The following LRRC37A2 variants were observed in gnomAD, a reference collection of about 807,000 sequenced individuals.
LRRC37A2 encodes the protein leucine rich repeat containing 37 member A2, also known as leucine-rich repeat-containing protein 37A2.
Under a neutral mutation model 68.8 loss-of-function variants are expected in LRRC37A2, and 9 were observed. That is an observed-to-expected ratio of 0.13 (90% confidence interval 0.08 to 0.23). The LOEUF (loss-of-function observed/expected upper bound fraction) is 0.23. Ranked by LOEUF, LRRC37A2 falls within the 10% of genes least tolerant of loss-of-function variation. The pLI is 1.00. For missense variants in LRRC37A2, 168 were observed against 950.4 expected (o/e 0.18, Z 10.82); for synonymous variants, 63 against 367.6 (o/e 0.17, Z 9.48).
the LRRC37A2 span, among the ~76,000 whole-genome samples, chr17:46,922,652 A>G: frequency 6.6e-6 from 1 of 152,196 alleles, no homozygotes; most frequent in Non-Finnish European, 1.5e-5. Context: ...CACTCATTCA[A>G]TGTAGGTTTA....
the LRRC37A2 span, among the ~76,000 whole-genome samples, chr17:46,969,263 A>G: frequency 6.6e-6 from 1 of 152,142 alleles, no homozygotes; most frequent in African/African-American, 2.4e-5. Context: ...GCCCTTCTGG[A>G]GAGGACTGAA....
the LRRC37A2 span, chr17:46,933,275 C>T: frequency 1.3e-5 from 2 of 152,222 alleles, no homozygotes; most frequent in African/African-American, 4.8e-5. Flanking sequence ...AAACTTCTTC[C>T]TGGTCATTCT....
the LRRC37A2 span, among the ~76,000 whole-genome samples, chr17:46,802,687 A>G: frequency 6.6e-6 from 1 of 152,192 alleles, no homozygotes; most frequent in African/African-American, 2.4e-5. Flanking sequence ...TACCTATGGA[A>G]TGAAGCCCCC....
At chr17:46,945,966 C>G in the LRRC37A2 span, among the ~76,000 whole-genome samples, 1 of 152,144 alleles carries the variant, frequency 6.6e-6, no homozygotes, top group Non-Finnish European at 1.5e-5. Context: ...GAAACCATTT[C>G]TTTTTTCCCC....
At chr17:46,685,468 C>T in the LRRC37A2 span, among the ~76,000 whole-genome samples, 18 of 151,880 alleles carry the variant, frequency 1.2e-4, no homozygotes, top group African/African-American at 3.4e-4. Context: ...TCCACACTGA[C>T]GGAGATGAAC....
chr17:46,742,286 C>T, the LRRC37A2 span, among the ~76,000 whole-genome samples: 1 of 152,056 alleles, frequency 6.6e-6, no homozygotes, highest in Non-Finnish European at 1.5e-5. Flanking sequence ...AGTTACTTTC[C>T]TTTTGGACAC....
At chr17:46,388,419 G>A in the LRRC37A2 span, among the ~76,000 whole-genome samples, 5 of 66,978 alleles carry the variant, frequency 7.5e-5, 1 homozygote, top group African/African-American at 2.2e-4. Flanking sequence ...AAAATTAGCC[G>A]GGTGTGGTGG....
At chr17:47,005,162 A>G in the LRRC37A2 span, among the ~76,000 whole-genome samples, 2 of 152,188 alleles carry the variant, frequency 1.3e-5, no homozygotes, top group Admixed American at 1.3e-4. Flanking sequence ...TTTATTCTTA[A>G]GCTTTGCTTC....
the LRRC37A2 span, chr17:46,704,983 T>C: frequency 1.5e-6 from 1 of 674,836 alleles, no homozygotes; most frequent in Non-Finnish European, 2.3e-6. Context: ...AATGAGAAAA[T>C]TTTAGTATTG....
chr17:46,635,777 A>AT, the LRRC37A2 span, among the ~76,000 whole-genome samples: 2 of 116,704 alleles, frequency 1.7e-5, no homozygotes, highest in Non-Finnish European at 3.8e-5. Flanking sequence ...GGGAAAATAA[A>AT]TGTGTGTGTG....
At chr17:46,675,693 C>T in the LRRC37A2 span, among the ~76,000 whole-genome samples, 3 of 134,610 alleles carry the variant, frequency 2.2e-5, no homozygotes, top group Non-Finnish European at 4.5e-5. Context: ...TTTGTCTGTT[C>T]TGATTAATTA....
chr17:46,807,434 A>G, the LRRC37A2 span, among the ~76,000 whole-genome samples: 1 of 152,236 alleles, frequency 6.6e-6, no homozygotes, highest in East Asian at 1.9e-4. Context: ...GTGAGCCGAG[A>G]TCATGCTACT....
At chr17:46,839,953 T>TTTCTTTCTTTCTTTCTTTCTC in the LRRC37A2 span, among the ~76,000 whole-genome samples, 1 of 149,474 alleles carries the variant, frequency 6.7e-6, no homozygotes, top group African/African-American at 2.5e-5. Context: ...TCTTTCTTTC[T>TTTCTTTCTTTCTTTCTTTCTC]TTCTTTCTTT....
At chr17:46,889,120 C>T in the LRRC37A2 span, among the ~76,000 whole-genome samples, 1 of 152,126 alleles carries the variant, frequency 6.6e-6, no homozygotes, top group Non-Finnish European at 1.5e-5. Context: ...AAGTGCAACT[C>T]AACCTTTATT....
the LRRC37A2 span, among the ~76,000 whole-genome samples, chr17:46,773,305 T>G: frequency 1.3e-5 from 2 of 152,068 alleles, no homozygotes; most frequent in South Asian, 2.1e-4. Context: ...GGGAGGGACC[T>G]AGGGGTGGCA....
chr17:46,488,906 C>G, the LRRC37A2 span, among the ~76,000 whole-genome samples: 1 of 104,466 alleles, frequency 9.6e-6, no homozygotes, highest in Non-Finnish European at 2.1e-5. Context: ...ATCTATTTTC[C>G]TGTCAATTGT....
chr17:46,810,646 G>A, the LRRC37A2 span, among the ~76,000 whole-genome samples: 1 of 152,074 alleles, frequency 6.6e-6, no homozygotes, highest in East Asian at 1.9e-4. Flanking sequence ...GTAGAGTTTA[G>A]AGCTCTGCAC....
At chr17:46,908,147 G>A in the LRRC37A2 span, among the ~76,000 whole-genome samples, 3 of 152,042 alleles carry the variant, frequency 2.0e-5, no homozygotes, top group Non-Finnish European at 2.9e-5. Flanking sequence ...CATGATAGAT[G>A]AGCCCCCAGT....
At chr17:46,974,253 G>T in the LRRC37A2 span, among the ~76,000 whole-genome samples, 1 of 152,228 alleles carries the variant, frequency 6.6e-6, no homozygotes, top group Admixed American at 6.5e-5. Context: ...AGGGCCAGAC[G>T]CTAGGTCTGC....
Sources: gnomAD v4.1 joint callset for allele counts (sites outside exome capture counted in the v4.1 genomes callset) on GRCh38, gnomAD v4.1.1 for gene constraint, MANE v1.5 for transcripts, NCBI Gene and HGNC (gene_info 2026-07-23, HGNC 2026-07-21) for gene names.